Variants in VAC14 observed in about 807,000 individuals in gnomAD.
VAC14 encodes protein VAC14 homolog.
VAC14 carries 47 observed loss-of-function variants against 85.3 expected under a neutral mutation model. The observed-to-expected ratio is 0.55, with a 90% CI of 0.44 to 0.70. The LOEUF (loss-of-function observed/expected upper bound fraction) is 0.70, where lower values mean the gene tolerates loss of function less well. Among genes scored for constraint, VAC14 ranks in the 30% least tolerant of loss-of-function variants. VAC14 has a pLI of 0.00. For missense variants in VAC14, 861 were observed against 1,004.3 expected (o/e 0.86, Z 1.93); for synonymous variants, 447 against 430.5 (o/e 1.04, Z -0.47).
intron 15 of VAC14, 151 bp from the exon 16 acceptor site, chr16:70,697,408 C>A (rs887637664): frequency 6.6e-6 from 4 of 603,084 alleles, no homozygotes; most frequent in Non-Finnish European, 1.2e-5. Flanking sequence ...CGGCTGGGAA[C>A]GAGCCGTCAC....
In VAC14 at chr16:70,691,244, G is replaced by A. The variant is rs934504824; in HGVS notation, c.2186+1577C>T. The A allele has an allele frequency of 3.0e-6, 3 of 985,338 alleles. No individual in the cohort carries two copies. In the African/African-American group the frequency reaches 5.2e-5, roughly 17 times the overall value. The allele number at this position is 985,338 out of a possible 1,614,324, so 61.0% of individuals were successfully genotyped here. On this transcript the variant is annotated intron_variant, in intron 18 of 18. Coordinates refer to ENST00000261776, the MANE Select transcript of VAC14 (RefSeq NM_018052.5). Reference sequence around the variant, plus strand: ...AGGAGATCAGCACTCGGAGACCCGGGAGAGGCTGGGCTGGCTCCCTGGCCA... The same window carrying A: ...AGGAGATCAGCACTCGGAGACCCGGAAGAGGCTGGGCTGGCTCCCTGGCCA...
At chr16:70,691,670 TG>T in intron 18 of VAC14, 1 of 985,184 alleles carries the variant, frequency 1.0e-6, no homozygotes, top group Non-Finnish European at 1.2e-6. Context: ...TCTGGGGAAA[TG>T]GGGCAGGGAA....
At chr16:70,737,826 C>T (rs913876742) in intron 13 of VAC14, among the ~76,000 whole-genome samples, 2 of 152,242 alleles carry the variant, frequency 1.3e-5, no homozygotes, top group African/African-American at 2.4e-5. Flanking sequence ...GGCTTCAGTA[C>T]ATAACGCGAG....
intron 12 of VAC14, among the ~76,000 whole-genome samples, chr16:70,760,887 C>T (rs183293289): frequency 6.6e-6 from 1 of 151,868 alleles, no homozygotes; most frequent in East Asian, 1.9e-4. Context: ...TGCAGTGAGT[C>T]ACTCCCAACT....
At chr16:70,771,789 C>A in intron 10 of VAC14, 1 of 253,672 alleles carries the variant, frequency 3.9e-6, no homozygotes, top group Non-Finnish European at 7.6e-6. Context: ...CCATGTTGCC[C>A]AGACTGGTCT....
intron 13 of VAC14, among the ~76,000 whole-genome samples, chr16:70,742,570 C>A (rs2030445714): frequency 6.6e-6 from 1 of 152,230 alleles, no homozygotes. Context: ...CTTCCCCGAC[C>A]ACGGCCACTG....
chr16:70,792,891 T>C (rs2034399291), intron 1 of VAC14, among the ~76,000 whole-genome samples: 1 of 152,222 alleles, frequency 6.6e-6, no homozygotes, highest in Non-Finnish European at 1.5e-5. Context: ...TTCCCGACGA[T>C]ACCTCCTGCT....
chr16:70,714,601 G>C (rs573020370), intron 14 of VAC14: 28 of 152,378 alleles, frequency 1.8e-4, no homozygotes, highest in Admixed American at 1.7e-3. Context: ...GACAAGGAAA[G>C]CTGGCCGAGT....
At chr16:70,712,182 C>T (rs2054049122) in intron 14 of VAC14, among the ~76,000 whole-genome samples, 1 of 152,102 alleles carries the variant, frequency 6.6e-6, no homozygotes, top group Admixed American at 6.5e-5. Context: ...TCCCTGCCAG[C>T]CCAGGAAATC....
intron 14 of VAC14, among the ~76,000 whole-genome samples, chr16:70,707,319 T>A (rs984178032): frequency 6.6e-6 from 1 of 152,238 alleles, no homozygotes; most frequent in East Asian, 1.9e-4. Flanking sequence ...ATGTGTCTGG[T>A]ACACTTAAAA....
intron 14 of VAC14, among the ~76,000 whole-genome samples, chr16:70,713,792 C>T (rs1261265411): frequency 2.0e-5 from 3 of 151,980 alleles, no homozygotes; most frequent in Non-Finnish European, 4.4e-5. Context: ...GATCCACCCA[C>T]CTCTGCCTAC....
At chr16:70,688,171 G>GCAGAGC in intron 18 of VAC14, 81 bp from the exon 19 acceptor site, 2 of 1,388,062 alleles carry the variant, frequency 1.4e-6, no homozygotes, top group South Asian at 3.7e-5. Context: ...GGGGTCAGAG[G>GCAGAGC]CAGAGCCACA....
In VAC14 at chr16:70,762,519, C is replaced by T. The variant is rs370882320; in HGVS notation, c.1371+21G>A. ...CAGGGCAGCCGATGTTCCATAAGTA[C>T]GGGTGGCGTTGGTGACCTACCTCAT... On this transcript the variant is annotated intron_variant, in intron 12 of 18. Transcript: ENST00000261776. This position sits in a 1 kb window ranked among gnomAD's most constrained non-coding sequence, Gnocchi z 4.1. 3.0e-5 allele frequency: 48 copies of T among 1,612,710 alleles called. No homozygotes were observed. In the African/African-American group the frequency reaches 3.6e-4, roughly 12 times the overall value.
chr16:70,712,315 C>T (rs2054052206), intron 14 of VAC14, among the ~76,000 whole-genome samples: 1 of 152,172 alleles, frequency 6.6e-6, no homozygotes, highest in Non-Finnish European at 1.5e-5. Flanking sequence ...TATAGCAGAA[C>T]TTGCGCTGGT....
At position 70,698,621 on chromosome 16, in the gene VAC14, C is replaced by A; in HGVS notation, c.1836+16G>T. 2 of 1,613,678 alleles carry A rather than the reference C, an allele frequency of 1.2e-6. No individual in the cohort carries two copies. The highest frequency in any genetic ancestry group is 2.2e-5 in the South Asian group (2 of 91,034). On this transcript the variant is annotated intron_variant, in intron 15 of 18. Transcript: ENST00000261776. ...TGCAGGAGACGCCTGAGGATGGAGT[C>A]CCGGACGCAGCCTACCAGGGTCTTC...
chr16:70,774,753 T>C (rs1438502509), intron 9 of VAC14, among the ~76,000 whole-genome samples: 9 of 140,286 alleles, frequency 6.4e-5, no homozygotes, highest in Admixed American at 2.2e-4. Context: ...TCCTTCCTTG[T>C]TTTTTTTTTT....
At chr16:70,751,826 C>T (rs1209010905) in intron 12 of VAC14, among the ~76,000 whole-genome samples, 1 of 152,230 alleles carries the variant, frequency 6.6e-6, no homozygotes, top group Non-Finnish European at 1.5e-5. Context: ...ACAAAGTAAA[C>T]ATGAGCTGCA....
At chr16:70,789,262 T>G (rs948936636) in intron 1 of VAC14, among the ~76,000 whole-genome samples, 9 of 152,234 alleles carry the variant, frequency 5.9e-5, no homozygotes, top group African/African-American at 2.2e-4. Flanking sequence ...AATATACTTT[T>G]GCTACCAAGA....
chr16:70,792,993 T>A (rs2034403541), intron 1 of VAC14, among the ~76,000 whole-genome samples: 1 of 152,194 alleles, frequency 6.6e-6, no homozygotes, highest in African/African-American at 2.4e-5. Context: ...ACCCTTGACA[T>A]CTACCAAGTC....
Sources: gnomAD v4.1 joint callset for allele counts (sites outside exome capture counted in the v4.1 genomes callset) on GRCh38, gnomAD v4.1.1 for gene constraint, Gnocchi (gnomAD v3.1) non-coding constraint, MANE v1.5 for transcripts, NCBI Gene and HGNC (gene_info 2026-07-23, HGNC 2026-07-21) for gene names.